The following ADGRV1 variants were observed in gnomAD, a reference collection of about 807,000 sequenced individuals.
The protein encoded by ADGRV1 is G-protein coupled receptor 98.
A neutral mutation model predicts 596.2 loss-of-function variants in ADGRV1; 359 were observed. That is an observed-to-expected ratio of 0.60 (90% CI 0.55 to 0.66). The LOEUF is 0.66. ADGRV1 is among the 30% of genes least tolerant of loss of function. ADGRV1 has a pLI of 0.00. For synonymous variants in ADGRV1, 2,681 were observed against 2,679.2 expected (o/e 1.00, Z -0.02); for missense variants, 7,274 against 7,575.6 (o/e 0.96, Z 1.48).
chr5:91,004,559 C>A (rs1239526486), intron 85 of ADGRV1, among the ~76,000 whole-genome samples: 1 of 151,388 alleles, frequency 6.6e-6, no homozygotes, highest in Non-Finnish European at 1.5e-5. Flanking sequence ...AAGGTGTATA[C>A]CAACATAGGA....
At position 90,685,915 on chromosome 5, in the gene ADGRV1, T is replaced by G. The variant is rs747442045; in HGVS notation, c.6410T>G (p.Ile2137Ser). Residue 2137 changes from isoleucine (I) to serine (S), a missense_variant, in exon 29 of 90, where the codon ATT becomes AGT. Ile to Ser is a moderately radical substitution (Grantham distance 142). Around this residue, in one of 5 missense-constraint regions of ADGRV1, gnomAD observed 3,643 missense variants for 3,809.2 expected, o/e 0.96. Coordinates refer to ENST00000405460, the MANE Select transcript of ADGRV1 (RefSeq NM_032119.4). ...GTGGCAGAAAATCATGTTGGACCCA[T>G]TATCAATGTGACTAGAACAGGAGGA... ...VRVAENHVGPIINVTRTGGAF... is the reference protein window; with the variant it reads ...VRVAENHVGPSINVTRTGGAF... The G allele has an allele frequency of 6.2e-7, 1 of 1,611,266 alleles. No individual in the cohort carries two copies. Among genetic ancestry groups the G allele is most frequent in the South Asian group, 1.1e-5 (1 of 90,684 alleles).
At chr5:90,726,364 A>G (rs1462954202) in intron 48 of ADGRV1, among the ~76,000 whole-genome samples, 1 of 152,130 alleles carries the variant, frequency 6.6e-6, no homozygotes, top group Non-Finnish European at 1.5e-5. Flanking sequence ...TTCTAGCTTC[A>G]CCCAGCTTAA....
At chr5:90,608,002 G>T (rs774276157) in intron 1 of ADGRV1, among the ~76,000 whole-genome samples, 3 of 151,908 alleles carry the variant, frequency 2.0e-5, no homozygotes, top group Non-Finnish European at 4.4e-5. Context: ...AAAATCATTG[G>T]ATTAATGGAA....
chr5:90,601,855 A>G (rs1761453953), intron 1 of ADGRV1, among the ~76,000 whole-genome samples: 1 of 152,204 alleles, frequency 6.6e-6, no homozygotes, highest in Admixed American at 6.5e-5. Context: ...TGGAGGCTAT[A>G]ATTGCTTGAG....
At chr5:90,715,361 G>C (rs1252282184) in intron 42 of ADGRV1, among the ~76,000 whole-genome samples, 1 of 152,198 alleles carries the variant, frequency 6.6e-6, no homozygotes, top group Admixed American at 6.5e-5. Flanking sequence ...AGAAATCTGG[G>C]CTGTTCATTT....
chr5:91,159,975 G>T (rs1489742584), intron 89 of ADGRV1, among the ~76,000 whole-genome samples: 1 of 152,200 alleles, frequency 6.6e-6, no homozygotes, highest in African/African-American at 2.4e-5. Context: ...AACATATTGG[G>T]CTTAGAAAGG....
chr5:90,805,314 A>G lies in ADGRV1; in HGVS notation c.14692A>G (p.Met4898Val). 6.2e-7 allele frequency: 1 copy of G among 1,612,906 alleles called. No individual in the cohort carries two copies. The highest frequency in any genetic ancestry group is 8.5e-7 in the Non-Finnish European group (1 of 1,178,998). Reference protein sequence around the residue: ...VGFESTAFQLMNITAGTSHVM... With the variant: ...VGFESTAFQLVNITAGTSHVM... ...ATTTGAATCCACTGCTTTTCAACTC[A>G]TGAACATCACTGCTGGCACAAGCCA... Residue 4898 changes from methionine to valine, a missense_variant, in exon 72 of 90, where the codon ATG becomes GTG. Transcript: ENST00000405460.
rs1349031249 is a variant in ADGRV1 at position 90,774,123 on chromosome 5, A to G, written c.12286-63A>G. The G allele has an allele frequency of 1.3e-5, 10 of 795,874 alleles. No homozygotes were observed. The Admixed American group carries it at 2.0e-4, about 16-fold the overall frequency. 49.3% of individuals were successfully genotyped at this position (795,874 alleles called of 1,614,324 possible). A position where few individuals can be genotyped will look rare whatever the true frequency, so the allele number is the denominator to read the frequency against. On this transcript the variant is annotated intron_variant, in intron 59 of 89. Transcript: ENST00000405460. Reference sequence around the variant, plus strand: ...GGACATAAACGTTATTCTGCTAATGACAACATTCAAACTTTGGCTTTGGTC... The same window carrying G: ...GGACATAAACGTTATTCTGCTAATGGCAACATTCAAACTTTGGCTTTGGTC...
At chr5:90,783,447 T>C in intron 66 of ADGRV1, 122 bp downstream of exon 66, 1 of 736,034 alleles carries the variant, frequency 1.4e-6, no homozygotes, top group South Asian at 1.7e-5. Flanking sequence ...AAACAACAGG[T>C]GAAATACTTT....
At chr5:90,976,731 G>A (rs571714851) in intron 84 of ADGRV1, among the ~76,000 whole-genome samples, 5 of 152,062 alleles carry the variant, frequency 3.3e-5, no homozygotes, top group Non-Finnish European at 4.4e-5. Flanking sequence ...TCATTTGGCC[G>A]AATTTTATGA....
chr5:90,611,569 A>C (rs1409404415), intron 1 of ADGRV1, among the ~76,000 whole-genome samples: 2 of 151,984 alleles, frequency 1.3e-5, no homozygotes, highest in Non-Finnish European at 2.9e-5. Context: ...AAGAGGAATG[A>C]TGTCAGTGAT....
intron 77 of ADGRV1, among the ~76,000 whole-genome samples, chr5:90,833,676 A>AT (rs986766155): frequency 1.1e-4 from 16 of 152,114 alleles, no homozygotes; most frequent in Non-Finnish European, 1.9e-4. Flanking sequence ...TGTAAATGGG[A>AT]TTTTTTTAAT....
intron 85 of ADGRV1, among the ~76,000 whole-genome samples, chr5:91,046,860 T>C (rs960231542): frequency 2.6e-5 from 4 of 152,060 alleles, no homozygotes; most frequent in Non-Finnish European, 4.4e-5. Context: ...GCTAAGGACA[T>C]GAATAGACAA....
In ADGRV1 at chr5:90,840,779, G is replaced by C. The variant is rs750221226; in HGVS notation, c.16813G>C (p.Gly5605Arg). The C allele has an allele frequency of 6.2e-7, 1 of 1,613,938 alleles. No homozygotes were observed. The highest frequency in any genetic ancestry group is 1.1e-5 in the South Asian group (1 of 91,080). Residue 5605 changes from glycine to arginine, a missense_variant, in exon 78 of 90, where the codon GGT becomes CGT. By Grantham distance (125) the Gly-to-Arg change is moderately radical. Around this residue, in one of 5 missense-constraint regions of ADGRV1, gnomAD observed 1,874 missense variants for 1,970.2 expected, o/e 0.95. Transcript: ENST00000405460. ...GATTGTCCTTTTTGACCCAAAAGGT[G>C]GTGCCAGAATTGATAAAGTGTATGG... ...FQIVLFDPKGGARIDKVYGTA... is the reference protein window; with the variant it reads ...FQIVLFDPKGRARIDKVYGTA...
At chr5:90,934,239 T>G (rs2150823697) in intron 83 of ADGRV1, among the ~76,000 whole-genome samples, 1 of 152,302 alleles carries the variant, frequency 6.6e-6, no homozygotes, top group East Asian at 1.9e-4. Flanking sequence ...CTCAGTATTC[T>G]TCCAGGCCTT....
chr5:90,971,530 G>A (rs963436894), intron 84 of ADGRV1, among the ~76,000 whole-genome samples: 1 of 152,202 alleles, frequency 6.6e-6, no homozygotes, highest in Non-Finnish European at 1.5e-5. Context: ...AGCCAGAAGA[G>A]AGTGGGGACC....
intron 1 of ADGRV1, among the ~76,000 whole-genome samples, chr5:90,570,376 C>CA (rs1756362247): frequency 6.6e-6 from 1 of 152,054 alleles, no homozygotes; most frequent in Non-Finnish European, 1.5e-5. Context: ...TTTGCTTTGG[C>CA]AGTTTCGTAT....
chr5:90,708,955 A>T (rs1748970857), intron 39 of ADGRV1, 46 bp downstream of exon 39: 1 of 1,294,726 alleles, frequency 7.7e-7, no homozygotes, highest in Non-Finnish European at 1.1e-6. Flanking sequence ...CTTCAAATGA[A>T]ATGAAGAAAC....
chr5:90,703,588 G>T (rs1290090125), intron 34 of ADGRV1, 77 bp from the exon 35 acceptor site: 2 of 1,059,852 alleles, frequency 1.9e-6, no homozygotes, highest in Non-Finnish European at 2.8e-6. Flanking sequence ...GCATGCTTGG[G>T]ATTTGGGTTT....
Sources: allele counts gnomAD v4.1 joint callset (sites outside exome capture counted in the v4.1 genomes callset), GRCh38; gene constraint gnomAD v4.1.1; regional missense constraint gnomAD v4.1.1; transcripts MANE v1.5; gene names NCBI Gene and HGNC (gene_info 2026-07-23, HGNC 2026-07-21).